Variants in GPHN observed in about 807,000 individuals in gnomAD.
GPHN encodes gephyrin.
Under a neutral mutation model 95.5 loss-of-function variants are expected in GPHN, and 17 were observed. The ratio of observed to expected loss-of-function variants is 0.18; its 90% CI spans 0.12 to 0.27. GPHN has a LOEUF of 0.27. GPHN is among the 10% of genes least tolerant of loss of function. The pLI is 1.00. For missense variants in GPHN, 660 were observed against 978.1 expected (o/e 0.67, Z 4.34); for synonymous variants, 320 against 322.5 (o/e 0.99, Z 0.08).
At chr14:66,654,137 A>G (rs1381734977) in intron 1 of GPHN, among the ~76,000 whole-genome samples, 1 of 152,020 alleles carries the variant, frequency 6.6e-6, no homozygotes, top group Non-Finnish European at 1.5e-5. Context: ...ATGATATCTC[A>G]TTACATTTTT....
the GPHN span, among the ~76,000 whole-genome samples, chr14:67,698,262 A>G: frequency 6.6e-6 from 1 of 152,242 alleles, no homozygotes; most frequent in South Asian, 2.1e-4. Flanking sequence ...TTATAGACAC[A>G]TTGGAGCCAT....
chr14:67,103,362 C>G (rs2077835165), intron 13 of GPHN, among the ~76,000 whole-genome samples: 1 of 152,010 alleles, frequency 6.6e-6, no homozygotes, highest in African/African-American at 2.4e-5. Context: ...TGGTTTCATA[C>G]AAATTGTAGG....
intron 5 of GPHN, among the ~76,000 whole-genome samples, chr14:66,904,144 G>A (rs567470706): frequency 9.2e-5 from 14 of 152,196 alleles, no homozygotes; most frequent in South Asian, 8.3e-4. Context: ...GAATGAAGCC[G>A]CGGACCTTTG....
At chr14:66,913,634 T>G (rs1429362692) in intron 5 of GPHN, among the ~76,000 whole-genome samples, 1 of 152,090 alleles carries the variant, frequency 6.6e-6, no homozygotes, top group Non-Finnish European at 1.5e-5. Flanking sequence ...GCCACCACAC[T>G]GGCTACTTTT....
the GPHN span, among the ~76,000 whole-genome samples, chr14:67,670,814 C>T: frequency 8.5e-5 from 13 of 152,314 alleles, no homozygotes; most frequent in East Asian, 1.7e-3. Flanking sequence ...GCATGAGCCA[C>T]CGTGCCCGGC....
chr14:67,487,441 T>A, the GPHN span, among the ~76,000 whole-genome samples: 3 of 152,250 alleles, frequency 2.0e-5, no homozygotes, highest in Non-Finnish European at 4.4e-5. Flanking sequence ...TGAACACTTG[T>A]GAATCTGAGA....
At chr14:67,198,315 A>G in the GPHN span, 1 of 1,611,574 alleles carries the variant, frequency 6.2e-7, no homozygotes, top group Non-Finnish European at 8.5e-7. Flanking sequence ...GAGCAATTTT[A>G]TCCAGGTAAA....
intron 2 of GPHN, among the ~76,000 whole-genome samples, chr14:66,769,931 T>C (rs1267351328): frequency 6.6e-6 from 1 of 152,198 alleles, no homozygotes; most frequent in African/African-American, 2.4e-5. Context: ...CTTGAATTAA[T>C]TTATACTCCC....
chr14:66,771,498 T>C (rs1255093321), intron 2 of GPHN, among the ~76,000 whole-genome samples: 1 of 152,106 alleles, frequency 6.6e-6, no homozygotes, highest in Admixed American at 6.6e-5. Flanking sequence ...AATTGCCCAG[T>C]AGAATAGAAT....
At chr14:67,583,911 A>C in the GPHN span, 1 of 1,612,152 alleles carries the variant, frequency 6.2e-7, no homozygotes, top group Non-Finnish European at 8.5e-7. Flanking sequence ...TCTTGCAGCA[A>C]GTCACTGTGG....
the GPHN span, chr14:67,200,089 C>T: frequency 9.9e-7 from 1 of 1,005,862 alleles, no homozygotes. Context: ...AATGCCTTAT[C>T]CTGGACCTCC....
At chr14:67,071,851 C>T (rs2076325338) in intron 11 of GPHN, among the ~76,000 whole-genome samples, 1 of 151,746 alleles carries the variant, frequency 6.6e-6, no homozygotes, top group Admixed American at 6.6e-5. Context: ...GAAAAAAGCA[C>T]ATTACAAATA....
chr14:66,914,251 G>C (rs773168055), intron 5 of GPHN, among the ~76,000 whole-genome samples: 6 of 152,086 alleles, frequency 3.9e-5, no homozygotes, highest in Non-Finnish European at 7.4e-5. Flanking sequence ...GCCTGGATTT[G>C]ATTACCAAAA....
chr14:67,656,211 A>G, the GPHN span, among the ~76,000 whole-genome samples: 1 of 151,070 alleles, frequency 6.6e-6, no homozygotes, highest in Non-Finnish European at 1.5e-5. Context: ...ACGCCACTGC[A>G]CTCCAGCCTG....
chr14:66,823,744 C>T (rs554687508), intron 3 of GPHN, among the ~76,000 whole-genome samples: 6 of 151,806 alleles, frequency 4.0e-5, no homozygotes, highest in African/African-American at 9.7e-5. Flanking sequence ...TTGTGGGGAC[C>T]GTATTGTACA....
At chr14:67,159,754 C>G (rs2081853417) in intron 19 of GPHN, among the ~76,000 whole-genome samples, 1 of 152,148 alleles carries the variant, frequency 6.6e-6, no homozygotes, top group African/African-American at 2.4e-5. Context: ...CTAGTTCCTT[C>G]TTCCTCTTTT....
chr14:67,544,445 G>A, the GPHN span, among the ~76,000 whole-genome samples: 1 of 152,102 alleles, frequency 6.6e-6, no homozygotes, highest in South Asian at 2.1e-4. Flanking sequence ...CAGAAAAAAA[G>A]CCTTAATGAA....
chr14:67,144,250 A>AAATAT lies in GPHN; in HGVS notation c.1836+802_1836+803insATATA, dbSNP rs1168342196. Reference sequence around the variant, plus strand: ...AGACCCTGTCTTAAAAAAAAAAAAAAATATATATATATATATATATATATA... The same window carrying AAATAT: ...AGACCCTGTCTTAAAAAAAAAAAAAAAATATATATATATATATATATATATATATA... On this transcript the variant is annotated intron_variant, in intron 18 of 22. Coordinates refer to ENST00000478722, the MANE Select transcript of GPHN (RefSeq NM_020806.5). Among the ~76,000 whole-genome samples the AAATAT allele has an allele frequency of 1.5e-3, 85 of 57,758 alleles. 1 individual carries two copies. Among genetic ancestry groups the AAATAT allele is most frequent in the East Asian group, 2.4e-3 (3 of 1,230 alleles). The allele number at this position is 57,758 out of a possible 152,430, so 37.9% of individuals were successfully genotyped here.
intron 8 of GPHN, among the ~76,000 whole-genome samples, chr14:66,942,722 G>T (rs553928258): frequency 2.0e-5 from 3 of 152,216 alleles, no homozygotes; most frequent in African/African-American, 7.2e-5. Context: ...ACACCGTTTG[G>T]CAATCCCATG....
Sources: allele counts gnomAD v4.1 joint callset (sites outside exome capture counted in the v4.1 genomes callset), GRCh38; gene constraint gnomAD v4.1.1; transcripts MANE v1.5; gene names NCBI Gene and HGNC (gene_info 2026-07-23, HGNC 2026-07-21).